The following CTNND2 variants were observed in gnomAD, a reference collection of about 807,000 sequenced individuals.
The protein encoded by CTNND2 is catenin delta-2.
CTNND2 carries 22 observed loss-of-function variants against 144.4 expected under a neutral mutation model. That is an observed-to-expected ratio of 0.15 (90% CI 0.11 to 0.22). CTNND2 has a LOEUF of 0.22. CTNND2 is among the 10% of genes least tolerant of loss of function. CTNND2 has a pLI of 1.00. For missense variants in CTNND2, 1,353 were observed against 1,618.8 expected (o/e 0.84, Z 2.82); for synonymous variants, 751 against 695.6 (o/e 1.08, Z -1.25).
chr5:11,115,899 AT>A (rs1178693614), intron 13 of CTNND2, among the ~76,000 whole-genome samples: 1 of 149,990 alleles, frequency 6.7e-6, no homozygotes, highest in Non-Finnish European at 1.5e-5. Flanking sequence ...GAGAAGTGCT[AT>A]GCTAACTTAT....
At chr5:11,395,041 G>A (rs984066288) in intron 6 of CTNND2, among the ~76,000 whole-genome samples, 6 of 152,158 alleles carry the variant, frequency 3.9e-5, no homozygotes, top group Non-Finnish European at 2.9e-5. Flanking sequence ...ATTAACCTCG[G>A]CTTGAAGGAG....
intron 1 of CTNND2, among the ~76,000 whole-genome samples, chr5:11,863,629 C>T (rs1290078756): frequency 2.0e-5 from 3 of 152,186 alleles, no homozygotes; most frequent in Non-Finnish European, 4.4e-5. Context: ...GGAAGGCCAA[C>T]TTAACAATTG....
At position 11,771,346 on chromosome 5, in the gene CTNND2, A is replaced by G. The variant is rs1035617069; in HGVS notation, c.38-39074T>C. Among the ~76,000 whole-genome samples, 7 of 151,278 alleles carry G rather than the reference A, an allele frequency of 4.6e-5. 1 individual carries two copies. The highest frequency in any genetic ancestry group is 1.0e-4 in the Non-Finnish European group (7 of 67,816). On this transcript the variant is annotated intron_variant, in intron 1 of 21. Transcript: ENST00000304623. ...ACCATGTTGGTCAGGCTGCCCTTGA[A>G]CTCCTGACCTTGTGATCTGCCTGCC...
intron 2 of CTNND2, among the ~76,000 whole-genome samples, chr5:11,683,776 T>C (rs1561690573): frequency 6.6e-6 from 1 of 152,230 alleles, no homozygotes; most frequent in Non-Finnish European, 1.5e-5. Context: ...TGACACCCTA[T>C]GGAGAAACAA....
In CTNND2 at chr5:11,346,523, C is replaced by A. The variant is rs760066114; in HGVS notation, c.1477G>T (p.Ala493Ser). ...TCCGCGTAATTGGAGGCTGGGCCGG[C>A]GGCATAGCTGGCCCTCTGGAAGGTG... ...AATFQRASYAAGPASNYADPY... is the reference protein window; with the variant it reads ...AATFQRASYASGPASNYADPY... Residue 493 changes from alanine (A) to serine (S), a missense_variant, in exon 9 of 22, where the codon GCC (alanine) becomes TCC (serine). Around this residue, in one of 4 missense-constraint regions of CTNND2, gnomAD observed 708 missense variants for 706.4 expected, o/e 1.00. Transcript: ENST00000304623. The A allele has an allele frequency of 5.0e-6, 8 of 1,604,758 alleles. No individual in the cohort carries two copies. The highest frequency in any genetic ancestry group is 1.3e-5 in the African/African-American group (1 of 74,466).
At chr5:11,477,949 T>C (rs1277248328) in intron 3 of CTNND2, among the ~76,000 whole-genome samples, 2 of 152,196 alleles carry the variant, frequency 1.3e-5, no homozygotes, top group Non-Finnish European at 2.9e-5. Context: ...ATATGGCTGA[T>C]GTCAAACAGT....
chr5:11,468,945 G>A (rs1766914945), intron 3 of CTNND2, among the ~76,000 whole-genome samples: 1 of 152,092 alleles, frequency 6.6e-6, no homozygotes, highest in African/African-American at 2.4e-5. Context: ...TTCTACATAA[G>A]TCTCCAGTTT....
chr5:11,036,547 A>T (rs543236935), intron 16 of CTNND2, among the ~76,000 whole-genome samples: 1 of 152,164 alleles, frequency 6.6e-6, no homozygotes, highest in African/African-American at 2.4e-5. Context: ...CATCCTCCCA[A>T]GTAGCTGGGA....
At chr5:11,331,397 G>C (rs1753128192) in intron 9 of CTNND2, among the ~76,000 whole-genome samples, 1 of 152,160 alleles carries the variant, frequency 6.6e-6, no homozygotes. Flanking sequence ...AAAGGCAAAA[G>C]GCACAGTAGG....
At chr5:11,437,694 A>G (rs1763893041) in intron 3 of CTNND2, among the ~76,000 whole-genome samples, 1 of 152,222 alleles carries the variant, frequency 6.6e-6, no homozygotes, top group South Asian at 2.1e-4. Flanking sequence ...AAATGCCTGG[A>G]GCAAAGGAGG....
At chr5:11,162,331 G>C (rs932397648) in intron 11 of CTNND2, among the ~76,000 whole-genome samples, 1 of 152,074 alleles carries the variant, frequency 6.6e-6, no homozygotes, top group Non-Finnish European at 1.5e-5. Flanking sequence ...AAAACCTAAA[G>C]GCCAAATCTA....
At position 11,427,195 on chromosome 5, in the gene CTNND2, C is replaced by T. The variant is rs530851239; in HGVS notation, c.288-15126G>A. The stretch of plus-strand genomic sequence containing the variant: ...TAGTATGTAAAAAACAACACTATGA[C>T]GAGTTGAGAGCAAGACAGTGGAAGA... On this transcript the variant is annotated intron_variant, in intron 3 of 21. Coordinates refer to ENST00000304623, the MANE Select transcript of CTNND2 (RefSeq NM_001332.4). 3.4e-4 allele frequency among the ~76,000 whole-genome samples: 52 copies of T among 151,186 alleles called. No homozygotes were observed. In the East Asian group the frequency reaches 7.6e-3, roughly 22 times the overall value.
intron 11 of CTNND2, among the ~76,000 whole-genome samples, chr5:11,198,471 C>T (rs777443724): frequency 6.6e-6 from 1 of 152,196 alleles, no homozygotes; most frequent in Admixed American, 6.5e-5. Context: ...ATATTTATGA[C>T]TCTCTAGCTT....
At chr5:11,737,646 T>C (rs991684336) in intron 1 of CTNND2, among the ~76,000 whole-genome samples, 1 of 152,168 alleles carries the variant, frequency 6.6e-6, no homozygotes, top group Admixed American at 6.5e-5. Flanking sequence ...CAGAACTGTG[T>C]TCCCCAAATT....
chr5:11,196,907 T>C lies in CTNND2; in HGVS notation c.1975+2541A>G, dbSNP rs77801578. ...TCTGAGGTGAATTCCTTTTGCCTCA[T>C]TTTAGGTTTGCTTTGTGCAGTGAAG... On this transcript the variant is annotated intron_variant, in intron 11 of 21. Transcript: ENST00000304623. Among the ~76,000 whole-genome samples, 170 of 152,298 alleles carry C rather than the reference T, an allele frequency of 1.1e-3. 5 individuals carry two copies. The East Asian group carries it at 0.031, about 28-fold the overall frequency.
At chr5:11,172,940 G>C (rs1039081338) in intron 11 of CTNND2, among the ~76,000 whole-genome samples, 2 of 152,178 alleles carry the variant, frequency 1.3e-5, no homozygotes, top group African/African-American at 4.8e-5. Context: ...GAAGAGAGTG[G>C]GACATAGGTA....
intron 16 of CTNND2, among the ~76,000 whole-genome samples, chr5:11,070,985 G>A (rs1748205585): frequency 1.3e-5 from 2 of 151,670 alleles, no homozygotes; most frequent in African/African-American, 4.8e-5. Context: ...GAGGAGGAAG[G>A]GAGGAGAGGA....
At chr5:11,480,862 T>C (rs1230797928) in intron 3 of CTNND2, among the ~76,000 whole-genome samples, 1 of 152,108 alleles carries the variant, frequency 6.6e-6, no homozygotes, top group East Asian at 1.9e-4. Context: ...GTGTTGTTTC[T>C]TTCCAAATGT....
chr5:11,901,874 GA>G (rs1283698885), intron 1 of CTNND2, among the ~76,000 whole-genome samples: 1 of 151,952 alleles, frequency 6.6e-6, no homozygotes, highest in African/African-American at 2.4e-5. Context: ...GGCTCAAAAG[GA>G]AAAAAGAAAA....
Sources: gnomAD v4.1 joint callset for allele counts (sites outside exome capture counted in the v4.1 genomes callset) on GRCh38, gnomAD v4.1.1 for gene constraint, gnomAD v4.1.1 regional missense constraint, MANE v1.5 for transcripts, NCBI Gene and HGNC (gene_info 2026-07-23, HGNC 2026-07-21) for gene names.